Variants in KERA observed in about 807,000 individuals in gnomAD.
KERA encodes the protein keratocan.
In KERA, 25 loss-of-function variants were observed where a neutral mutation model predicts 26.4. That is an observed-to-expected ratio of 0.95 (90% confidence interval 0.69 to 1.32). The LOEUF is 1.32. KERA is among the 40% of genes most tolerant of loss of function. The pLI is 0.00. For synonymous variants in KERA, 167 were observed against 146.1 expected (o/e 1.14, Z -1.03); for missense variants, 434 against 408.9 (o/e 1.06, Z -0.53).
In KERA at chr12:91,051,550, T is replaced by C. The variant is rs140471925; in HGVS notation, c.887-32A>G. 1,688 of 1,533,288 alleles carry C rather than the reference T, an allele frequency of 1.1e-3. 18 individuals carry two copies. The African/African-American group carries it at 0.019, about 17-fold the overall frequency. 95.0% of individuals were successfully genotyped at this position (1,533,288 alleles called of 1,614,324 possible). ...TGACAAAGAGAATAGATGAATGAAT[T>C]GGAACACAAGAGAAACTAACAGTGG... On this transcript the variant is annotated intron_variant, in intron 2 of 2. Coordinates refer to ENST00000266719, the MANE Select transcript of KERA (RefSeq NM_007035.4).
intron 1 of KERA, among the ~76,000 whole-genome samples, chr12:91,057,535 A>G (rs1218380801): frequency 1.3e-5 from 2 of 150,972 alleles, no homozygotes; most frequent in African/African-American, 4.8e-5. Context: ...ATTGCAGAAA[A>G]CAAGTGCAGA....
At chr12:91,057,028 G>A (rs1482539469) in intron 1 of KERA, among the ~76,000 whole-genome samples, 9 of 149,502 alleles carry the variant, frequency 6.0e-5, no homozygotes, top group Non-Finnish European at 8.9e-5. Context: ...CTCTATATAT[G>A]TATATATATG....
At chr12:91,051,776 G>T (rs1163503050) in intron 2 of KERA, among the ~76,000 whole-genome samples, 1 of 151,578 alleles carries the variant, frequency 6.6e-6, no homozygotes, top group African/African-American at 2.4e-5. Context: ...ATACTGTTAA[G>T]ATCTGTGATA....
At chr12:91,053,629 G>A (rs1878917978) in intron 2 of KERA, among the ~76,000 whole-genome samples, 1 of 151,298 alleles carries the variant, frequency 6.6e-6, no homozygotes, top group South Asian at 2.1e-4. Context: ...AGCAACCTGG[G>A]TTTATAAGAT....
Position 91,051,524 on chromosome 12 carries a change from G to T in KERA, c.887-6C>A, listed in dbSNP as rs1878867569. ...TATTACAGAGACATTCACACCTACA[G>T]TGACAAAGAGAATAGATGAATGAAT... On this transcript the variant is annotated splice_region_variant and splice_polypyrimidine_tract_variant and intron_variant, in intron 2 of 2. Coordinates refer to ENST00000266719, the MANE Select transcript of KERA (RefSeq NM_007035.4). 1.3e-6 allele frequency: 2 copies of T among 1,598,764 alleles called. No individual in the cohort carries two copies. Among genetic ancestry groups the T allele is most frequent in the Non-Finnish European group, 1.7e-6 (2 of 1,166,960 alleles).
At position 91,055,907 on chromosome 12, in the gene KERA, G is replaced by C. The variant is rs773617902; in HGVS notation, c.375C>G (p.Phe125Leu). 1.4e-5 allele frequency: 22 copies of C among 1,611,092 alleles called. No individual in the cohort carries two copies. Among genetic ancestry groups the C allele is most frequent in the Non-Finnish European group, 1.9e-5 (22 of 1,178,216 alleles). ...GALSQLKKLLFLFLEDNELEE... is the reference protein window; with the variant it reads ...GALSQLKKLLLLFLEDNELEE... ...CTAGCTCATTATCTTCCAGAAATAA[G>C]AAGAGCAACTTCTTCAGCTGGCTTA... Residue 125 changes from phenylalanine (F) to leucine (L), a missense_variant, in exon 2 of 3, where the codon TTC becomes TTG. By Grantham distance (22) the Phe-to-Leu change is conservative (BLOSUM62 0). Transcript: ENST00000266719.
rs751526389 is a variant in KERA, at chr12:91,055,492, T to C, written c.790A>G (p.Ile264Val). Reference sequence around the variant, plus strand: ...TTGTGCGACAGTTGAAGATCTAGAATTGATGATACATCAAATCCTCTTGAT... The same window carrying C: ...TTGTGCGACAGTTGAAGATCTAGAACTGATGATACATCAAATCCTCTTGAT... ...LPSRGFDVSS[I>V]LDLQLSHNQL... is the part of the protein sequence containing the mutation. The change falls in exon 2 of 3, where the codon ATT (isoleucine) becomes GTT (valine). Residue 264 changes from isoleucine (I) to valine (V), a missense_variant. Ile to Val is a conservative substitution (Grantham distance 29, BLOSUM62 3). Coordinates refer to ENST00000266719, the MANE Select transcript of KERA (RefSeq NM_007035.4). 3 of 1,610,234 alleles carry C rather than the reference T, an allele frequency of 1.9e-6. No homozygotes were observed. Among genetic ancestry groups the C allele is most frequent in the Admixed American group, 1.7e-5 (1 of 59,640 alleles).
chr12:91,055,375 C>A, intron 2 of KERA, 21 bp downstream of exon 2: 1 of 1,603,330 alleles, frequency 6.2e-7, no homozygotes, highest in East Asian at 2.2e-5. Flanking sequence ...TAGTCAAAGA[C>A]ATACTCTGCA....
chr12:91,055,873 G>A lies in KERA; in HGVS notation c.409C>T (p.Pro137Ser). The part of the protein sequence containing the change: ...FLEDNELEEV[P>S]SPLPRSLEQL... ...TCTAAACTTCTTGGCAATGGAGAAG[G>A]TACCTCCTCTAGCTCATTATCTTCC... The change falls in exon 2 of 3, where the codon CCT becomes TCT. Residue 137 changes from proline to serine, a missense_variant. By Grantham distance (74) the Pro-to-Ser change is moderately conservative. Transcript: ENST00000266719. 1 of 1,611,188 alleles carries A rather than the reference G, an allele frequency of 6.2e-7. No individual in the cohort carries two copies. Among genetic ancestry groups the A allele is most frequent in the Non-Finnish European group, 8.5e-7 (1 of 1,178,164 alleles).
Position 91,055,688 on chromosome 12 carries a change from G to C in KERA, c.594C>G (p.Asn198Lys). The change falls in exon 2 of 3, where the codon AAC becomes AAG. Residue 198 changes from asparagine to lysine, a missense_variant. Coordinates refer to ENST00000266719, the MANE Select transcript of KERA (RefSeq NM_007035.4). ...TATTCCTCAGGGCATTCTTGGCCAT[G>C]TTTAGCTGCATGAGATTCTTGAGTC... ...FKGLKNLMQL[N>K]MAKNALRNMP... The C allele has an allele frequency of 6.2e-7, 1 of 1,611,402 alleles. No individual in the cohort carries two copies. The highest frequency in any genetic ancestry group is 1.7e-5 in the Admixed American group (1 of 59,746).
At position 91,055,483 on chromosome 12, in the gene KERA, G is replaced by T; in HGVS notation, c.799C>A (p.Leu267Ile). ...RGFDVSSILDLQLSHNQLTKV... is the reference protein window; with the variant it reads ...RGFDVSSILDIQLSHNQLTKV... ...GTGAGTTGATTGTGCGACAGTTGAA[G>T]ATCTAGAATTGATGATACATCAAAT... Residue 267 changes from leucine to isoleucine, a missense_variant, in exon 2 of 3, where the codon CTT (leucine) becomes ATT (isoleucine). By Grantham distance (5) the Leu-to-Ile change is conservative. Coordinates refer to ENST00000266719, the MANE Select transcript of KERA (RefSeq NM_007035.4). 4.3e-6 allele frequency: 7 copies of T among 1,610,126 alleles called. No individual in the cohort carries two copies. The highest frequency in any genetic ancestry group is 5.9e-6 in the Non-Finnish European group (7 of 1,177,570).
chr12:91,056,329 C>A, intron 1 of KERA, 40 bp from the exon 2 acceptor site: 5 of 1,513,746 alleles, frequency 3.3e-6, no homozygotes, highest in Non-Finnish European at 2.7e-6. Context: ...ATTTGAAGAT[C>A]TTGACCTTTA....
rs372534447 is a variant in KERA at position 91,056,011 on chromosome 12, A to G, written c.271T>C (p.Phe91Leu). 2.5e-6 allele frequency: 4 copies of G among 1,610,212 alleles called. No homozygotes were observed. The African/African-American group carries it at 4.0e-5, about 16-fold the overall frequency. Residue 91 changes from phenylalanine (F) to leucine (L), a missense_variant, in exon 2 of 3, where the codon TTT (phenylalanine) becomes CTT (leucine). Physicochemically the swap from Phe to Leu is conservative, Grantham distance 22. Coordinates refer to ENST00000266719, the MANE Select transcript of KERA (RefSeq NM_007035.4). ...NLIETIPEKP[F>L]ENATQLRWIN... Reference sequence around the variant, plus strand: ...CATCTTAGCTGGGTGGCATTCTCAAATGGCTTTTCAGGAATGGTTTCTATC... The same window carrying G: ...CATCTTAGCTGGGTGGCATTCTCAAGTGGCTTTTCAGGAATGGTTTCTATC...
rs1201365004 is a variant in KERA, at chr12:91,055,661, C to T, written c.621G>A (p.Met207Ile). ...TTGTATTGGCTGGTAATCTTGGAGG[C>T]ATATTCCTCAGGGCATTCTTGGCCA... ...LNMAKNALRN[M>I]PPRLPANTMQ... is the part of the protein sequence containing the mutation. Residue 207 changes from methionine to isoleucine, a missense_variant, in exon 2 of 3, where the codon ATG (methionine) becomes ATA (isoleucine). Physicochemically the swap from Met to Ile is conservative, Grantham distance 10. Transcript: ENST00000266719. 14 of 1,611,156 alleles carry T rather than the reference C, an allele frequency of 8.7e-6. No individual in the cohort carries two copies. The highest frequency in any genetic ancestry group is 1.6e-4 in the Middle Eastern group (1 of 6,070).
At chr12:91,053,907 G>A (rs1878924435) in intron 2 of KERA, among the ~76,000 whole-genome samples, 1 of 151,316 alleles carries the variant, frequency 6.6e-6, no homozygotes, top group South Asian at 2.1e-4. Context: ...CACATCAATT[G>A]TCCGTGGGGC....
chr12:91,052,221 G>T (rs1462144736), intron 2 of KERA, among the ~76,000 whole-genome samples: 2 of 151,490 alleles, frequency 1.3e-5, no homozygotes, highest in Non-Finnish European at 3.0e-5. Context: ...GGGAGTAATT[G>T]TGCACCTGCC....
intron 2 of KERA, among the ~76,000 whole-genome samples, chr12:91,054,410 C>T (rs1393966506): frequency 1.3e-5 from 2 of 151,196 alleles, no homozygotes; most frequent in Non-Finnish European, 3.0e-5. Flanking sequence ...AGAAATCTCC[C>T]CAGAGTTATT....
intron 1 of KERA, among the ~76,000 whole-genome samples, chr12:91,057,038 G>A (rs1592648671): frequency 1.4e-5 from 2 of 145,980 alleles, no homozygotes; most frequent in Admixed American, 6.9e-5. Flanking sequence ...GTATATATAT[G>A]TATATATAGA....
intron 1 of KERA, among the ~76,000 whole-genome samples, chr12:91,056,850 C>T (rs1879019156): frequency 1.3e-5 from 2 of 150,984 alleles, no homozygotes; most frequent in African/African-American, 4.8e-5. Context: ...TGTAATTAAT[C>T]TGTTATTCTC....
Sources: allele counts gnomAD v4.1 joint callset (sites outside exome capture counted in the v4.1 genomes callset), GRCh38; gene constraint gnomAD v4.1.1; transcripts MANE v1.5; gene names NCBI Gene and HGNC (gene_info 2026-07-23, HGNC 2026-07-21).